Variants in VWA3B observed in about 807,000 individuals in gnomAD.
The protein encoded by VWA3B is von Willebrand factor A domain-containing protein 3B.
A neutral mutation model predicts 158.3 loss-of-function variants in VWA3B; 138 were observed. That is an observed-to-expected ratio of 0.87 (90% CI 0.76 to 1.00). The LOEUF (loss-of-function observed/expected upper bound fraction) is 1.00. VWA3B is among the 50% of genes least tolerant of loss of function. VWA3B has a pLI of 0.00. For missense variants in VWA3B, 1,555 were observed against 1,565.1 expected (o/e 0.99, Z 0.11); for synonymous variants, 596 against 587.3 (o/e 1.01, Z -0.21).
chr2:98,152,008 G>A (rs1385574591), intron 7 of VWA3B, among the ~76,000 whole-genome samples: 2 of 152,222 alleles, frequency 1.3e-5, no homozygotes, highest in Non-Finnish European at 2.9e-5. Context: ...CATGCATAAC[G>A]ATGGATGAAT....
intron 8 of VWA3B, among the ~76,000 whole-genome samples, chr2:98,175,074 T>C (rs897597672): frequency 1.3e-5 from 2 of 152,166 alleles, no homozygotes; most frequent in African/African-American, 4.8e-5. Context: ...AGTTGCTGCA[T>C]TTTATTATTT....
chr2:98,188,888 C>T, intron 10 of VWA3B, among the ~76,000 whole-genome samples: 1 of 152,196 alleles, frequency 6.6e-6, no homozygotes. Context: ...CAACGTGTGG[C>T]TATCACACTG....
chr2:98,327,294 A>AAAAC, the VWA3B span, among the ~76,000 whole-genome samples: 1 of 152,184 alleles, frequency 6.6e-6, no homozygotes, highest in Admixed American at 6.5e-5. Flanking sequence ...CCCTGTCTCT[A>AAAAC]AAACAAACAA....
chr2:98,294,671 T>C (rs1039768693), intron 23 of VWA3B, among the ~76,000 whole-genome samples: 1 of 152,266 alleles, frequency 6.6e-6, no homozygotes, highest in African/African-American at 2.4e-5. Context: ...AGCAGCATTT[T>C]ACTTCAGGAA....
intron 16 of VWA3B, among the ~76,000 whole-genome samples, chr2:98,232,161 G>A (rs1685380963): frequency 6.6e-6 from 1 of 152,154 alleles, no homozygotes; most frequent in South Asian, 2.1e-4. Context: ...TGCAATTTCT[G>A]TAATGGTTTT....
chr2:98,169,644 T>C (rs948018913), intron 8 of VWA3B, among the ~76,000 whole-genome samples: 2 of 151,238 alleles, frequency 1.3e-5, no homozygotes, highest in Non-Finnish European at 2.9e-5. Flanking sequence ...GAGGACAAAG[T>C]AGAAGAGAAG....
chr2:98,132,158 TA>T (rs1428108741), intron 6 of VWA3B, among the ~76,000 whole-genome samples: 1 of 152,218 alleles, frequency 6.6e-6, no homozygotes, highest in African/African-American at 2.4e-5. Context: ...TTCAGCTACC[TA>T]ACGAGGCCAT....
At chr2:98,099,192 T>C (rs899642898) in intron 2 of VWA3B, 6 of 152,202 alleles carry the variant, frequency 3.9e-5, no homozygotes, top group African/African-American at 1.4e-4. Context: ...TAGATGTTTT[T>C]GTGTTACTCA....
chr2:98,248,868 TTTCTTTCTTTCTTTCTC>T (rs1558724448), intron 19 of VWA3B, among the ~76,000 whole-genome samples: 1 of 17,404 alleles, frequency 5.7e-5, no homozygotes, highest in Non-Finnish European at 8.4e-5. Flanking sequence ...TCTTTCTTTC[TTTCTTTCTTTCTTTCTC>T]TCTTTCCTTT....
At chr2:98,161,361 C>T (rs116439468) in intron 7 of VWA3B, among the ~76,000 whole-genome samples, 1,793 of 152,318 alleles carry the variant, frequency 0.012, 14 homozygotes, top group Non-Finnish European at 0.018. Context: ...CTGGCAGTGG[C>T]TAAGTAATGA....
chr2:98,118,599 G>A (rs1674708605), intron 3 of VWA3B, among the ~76,000 whole-genome samples: 1 of 152,060 alleles, frequency 6.6e-6, no homozygotes, highest in Non-Finnish European at 1.5e-5. Flanking sequence ...TAAAGAAATA[G>A]CCAATCATCT....
intron 12 of VWA3B, among the ~76,000 whole-genome samples, chr2:98,209,273 TTTTG>T (rs372769169): frequency 3.4e-4 from 51 of 152,220 alleles, no homozygotes; most frequent in African/African-American, 9.4e-4. Flanking sequence ...AAATTTGTTT[TTTTG>T]TTTGTTTGTT....
At chr2:98,209,059 T>C (rs1653177273) in intron 12 of VWA3B, among the ~76,000 whole-genome samples, 2 of 152,346 alleles carry the variant, frequency 1.3e-5, no homozygotes, top group Admixed American at 6.5e-5. Flanking sequence ...CTCTGGTCTC[T>C]ATAGTTTCAG....
Position 98,198,544 on chromosome 2 carries a change from G to A in VWA3B, c.1737+4052G>A, listed in dbSNP as rs548949557. 1.4e-4 allele frequency among the ~76,000 whole-genome samples: 8 copies of A among 57,798 alleles called. 1 individual carries two copies. The East Asian group carries it at 0.019, about 138-fold the overall frequency. The allele number at this position is 57,798 out of a possible 152,430, so 37.9% of individuals were successfully genotyped here. On this transcript the variant is annotated intron_variant, in intron 12 of 27. Transcript: ENST00000477737. ...AGTTGAATCTTATTTTAATTTGCAT[G>A]CAGTAAAAAAAAAAACACTCTTTTT...
chr2:98,216,759 C>G (rs752664622), intron 13 of VWA3B: 2 of 478,570 alleles, frequency 4.2e-6, no homozygotes, highest in Non-Finnish European at 8.5e-6. Flanking sequence ...TTCCAGGGAA[C>G]ATCATCTCAT....
chr2:98,183,372 A>G (rs1246927547), intron 9 of VWA3B, among the ~76,000 whole-genome samples: 1 of 151,956 alleles, frequency 6.6e-6, no homozygotes, highest in Non-Finnish European at 1.5e-5. Flanking sequence ...ACTGGGCAAG[A>G]CCCCCTAAAT....
chr2:98,220,133 C>A (rs1402021133), intron 14 of VWA3B, among the ~76,000 whole-genome samples: 2 of 147,352 alleles, frequency 1.4e-5, no homozygotes, highest in African/African-American at 5.1e-5. Context: ...CACTGTACTC[C>A]AGCCTGGGTG....
intron 25 of VWA3B, among the ~76,000 whole-genome samples, chr2:98,301,018 C>T (rs548304869): frequency 2.8e-4 from 42 of 152,186 alleles, no homozygotes; most frequent in African/African-American, 8.4e-4. Flanking sequence ...AGGCCAGGTG[C>T]GGTGGCTCAC....
In VWA3B at chr2:98,208,324, T is replaced by C. The variant is rs1437450955; in HGVS notation, c.1738-3606T>C. Among the ~76,000 whole-genome samples, 9 of 152,302 alleles carry C rather than the reference T, an allele frequency of 5.9e-5. No homozygotes were observed. The East Asian group carries it at 1.7e-3, about 29-fold the overall frequency. ...TTTGTTCACTCTTCAATCTCTGTCA[T>C]GTAATTGGTATATGTAGGTGATTTA... On this transcript the variant is annotated intron_variant, in intron 12 of 27. Transcript: ENST00000477737.
Sources: gnomAD v4.1 joint callset for allele counts (sites outside exome capture counted in the v4.1 genomes callset) on GRCh38, gnomAD v4.1.1 for gene constraint, MANE v1.5 for transcripts, NCBI Gene and HGNC (gene_info 2026-07-23, HGNC 2026-07-21) for gene names.